The following NCKAP5 variants were observed in gnomAD, a reference collection of about 807,000 sequenced individuals.
The protein encoded by NCKAP5 is nck-associated protein 5.
In NCKAP5, 92 loss-of-function variants were observed where a neutral mutation model predicts 167.0. The observed-to-expected ratio is 0.55, with a 90% CI of 0.47 to 0.66. The LOEUF is 0.66. Among genes scored for constraint, NCKAP5 ranks in the 30% least tolerant of loss-of-function variants. The probability of loss-of-function intolerance (pLI) is 0.00; values close to 1 mark genes in which losing one functional copy is unlikely to be tolerated. For missense variants in NCKAP5, 2,378 were observed against 2,315.0 expected (o/e 1.03, Z -0.56); for synonymous variants, 891 against 877.4 (o/e 1.02, Z -0.27).
chr2:133,110,138 G>A (rs888396100), intron 6 of NCKAP5, among the ~76,000 whole-genome samples: 2 of 152,158 alleles, frequency 1.3e-5, no homozygotes, highest in Admixed American at 6.5e-5. Flanking sequence ...ATGCTTAAAT[G>A]TTCTCATTTA....
At chr2:133,439,720 C>A (rs1690714685) in intron 3 of NCKAP5, among the ~76,000 whole-genome samples, 1 of 152,156 alleles carries the variant, frequency 6.6e-6, no homozygotes, top group African/African-American at 2.4e-5. Flanking sequence ...GTCAGTATAC[C>A]CCTATAATGT....
chr2:133,324,388 A>C (rs1324838852), intron 3 of NCKAP5, among the ~76,000 whole-genome samples: 3 of 152,256 alleles, frequency 2.0e-5, no homozygotes, highest in Non-Finnish European at 4.4e-5. Flanking sequence ...AAAATATTTT[A>C]AATGATTTTT....
At chr2:133,462,050 G>C (rs77604527) in intron 3 of NCKAP5, among the ~76,000 whole-genome samples, 4,109 of 152,306 alleles carry the variant, frequency 0.027, 192 homozygotes, top group African/African-American at 0.093. Flanking sequence ...ATGTTTTGAA[G>C]TCTGGGTTAA....
chr2:133,472,618 A>G (rs1410542049), intron 3 of NCKAP5, among the ~76,000 whole-genome samples: 1 of 152,104 alleles, frequency 6.6e-6, no homozygotes, highest in African/African-American at 2.4e-5. Flanking sequence ...TACCTCCCCA[A>G]ACATTCTGCA....
At chr2:133,083,288 G>A (rs562174344) in intron 6 of NCKAP5, among the ~76,000 whole-genome samples, 1 of 152,250 alleles carries the variant, frequency 6.6e-6, no homozygotes, top group Non-Finnish European at 1.5e-5. Flanking sequence ...CATTGGCTTA[G>A]CAACTATTTA....
intron 8 of NCKAP5, among the ~76,000 whole-genome samples, chr2:132,931,700 T>C (rs13391681): frequency 0.038 from 5,801 of 152,288 alleles, 311 homozygotes; most frequent in African/African-American, 0.13. Context: ...CAACTGTATA[T>C]TTGACTTCCT....
At chr2:133,123,767 A>G in intron 6 of NCKAP5, 1 of 471,204 alleles carries the variant, frequency 2.1e-6, no homozygotes, top group Non-Finnish European at 4.4e-6. Flanking sequence ...GTCAATTGAC[A>G]GCTTTTCTCA....
At chr2:132,715,850 C>T (rs112943971) in intron 19 of NCKAP5, among the ~76,000 whole-genome samples, 9,251 of 152,206 alleles carry the variant, frequency 0.061, 748 homozygotes, top group African/African-American at 0.19. Flanking sequence ...GCTGGGCAGG[C>T]GGGGGTGTCT....
intron 3 of NCKAP5, among the ~76,000 whole-genome samples, chr2:133,309,172 T>C (rs987310824): frequency 2.6e-5 from 4 of 152,180 alleles, no homozygotes; most frequent in Admixed American, 2.0e-4. Context: ...AATGGTAATA[T>C]TATGGGCTAA....
At chr2:133,602,069 G>A in the NCKAP5 span, among the ~76,000 whole-genome samples, 6 of 152,078 alleles carry the variant, frequency 3.9e-5, no homozygotes, top group African/African-American at 1.4e-4. Flanking sequence ...AGAGAGAGAG[G>A]GAGACCAGTG....
intron 3 of NCKAP5, among the ~76,000 whole-genome samples, chr2:133,438,658 TG>T (rs1026381915): frequency 5.9e-5 from 9 of 152,260 alleles, no homozygotes; most frequent in Non-Finnish European, 1.3e-4. Flanking sequence ...CACATAGGTT[TG>T]AGAAAATAAT....
chr2:133,444,569 C>T (rs371603359), intron 3 of NCKAP5, among the ~76,000 whole-genome samples: 7 of 152,146 alleles, frequency 4.6e-5, no homozygotes, highest in East Asian at 3.9e-4. Context: ...TATCCCAGCA[C>T]GGTGTTAAAA....
intron 19 of NCKAP5, among the ~76,000 whole-genome samples, chr2:132,696,110 A>T (rs910381410): frequency 6.6e-6 from 1 of 152,202 alleles, no homozygotes; most frequent in African/African-American, 2.4e-5. Context: ...TAAAGTGGCA[A>T]ATATTTATCT....
chr2:133,256,039 TG>T (rs1355657668), intron 4 of NCKAP5, among the ~76,000 whole-genome samples: 1 of 152,178 alleles, frequency 6.6e-6, no homozygotes, highest in Non-Finnish European at 1.5e-5. Flanking sequence ...GTGGAAGGAA[TG>T]ATGGTTAATT....
intron 3 of NCKAP5, among the ~76,000 whole-genome samples, chr2:133,486,415 G>A (rs1287991274): frequency 6.6e-6 from 1 of 152,052 alleles, no homozygotes; most frequent in Non-Finnish European, 1.5e-5. Context: ...TATTCCTTTG[G>A]GATGAAATCT....
intron 11 of NCKAP5, among the ~76,000 whole-genome samples, chr2:132,842,401 T>C (rs1485686505): frequency 6.6e-6 from 1 of 152,138 alleles, no homozygotes; most frequent in Non-Finnish European, 1.5e-5. Context: ...CACACACATA[T>C]AAATCTCTGG....
At chr2:133,226,347 AATG>A (rs1172651743) in intron 4 of NCKAP5, among the ~76,000 whole-genome samples, 2 of 152,170 alleles carry the variant, frequency 1.3e-5, no homozygotes, top group Non-Finnish European at 2.9e-5. Context: ...TGGAAACTAC[AATG>A]ATGAGTGAGA....
At chr2:133,587,289 A>C in the NCKAP5 span, among the ~76,000 whole-genome samples, 1,731 of 152,186 alleles carry the variant, frequency 0.011, 40 homozygotes, top group African/African-American at 0.04. Context: ...GACCAGTGGC[A>C]CCATCCTCTC....
rs546425951 is a variant in NCKAP5 at position 132,951,742 on chromosome 2, A to G, written c.579+11978T>C. Among the ~76,000 whole-genome samples the G allele has an allele frequency of 6.7e-4, 102 of 152,266 alleles. 1 individual carries two copies. Among genetic ancestry groups the G allele is most frequent in the South Asian group, 3.1e-3 (15 of 4,824 alleles). ...TTCTGGACCCCATTCTAGAGCCACAATTTTTCCCCCAAGGCTATGTAACAT... is the reference window on the plus strand; with the variant it reads ...TTCTGGACCCCATTCTAGAGCCACAGTTTTTCCCCCAAGGCTATGTAACAT... On this transcript the variant is annotated intron_variant, in intron 8 of 19. Coordinates refer to ENST00000409261, the MANE Select transcript of NCKAP5 (RefSeq NM_207363.3).
Sources: gnomAD v4.1 joint callset for allele counts (sites outside exome capture counted in the v4.1 genomes callset) on GRCh38, gnomAD v4.1.1 for gene constraint, MANE v1.5 for transcripts, NCBI Gene and HGNC (gene_info 2026-07-23, HGNC 2026-07-21) for gene names.